The following ZNF320 variants were observed in gnomAD, a reference collection of about 807,000 sequenced individuals.
ZNF320 encodes the protein zinc finger protein 320.
A neutral mutation model predicts 6.8 loss-of-function variants in ZNF320; 2 were observed. The observed-to-expected ratio is 0.29, with a 90% confidence interval of 0.12 to 0.93. The LOEUF is 0.93. Ranked by LOEUF, ZNF320 falls within the 40% of genes least tolerant of loss-of-function variation. The probability of loss-of-function intolerance (pLI) is 0.55; values close to 1 mark genes in which losing one functional copy is unlikely to be tolerated. For synonymous variants in ZNF320, 208 were observed against 203.2 expected, an observed-to-expected ratio of 1.02 and a Z score of -0.20; for missense variants, 472 against 611.0, an observed-to-expected ratio of 0.77 and a Z score of 2.40.
At chr19:52,861,370 TAGAG>T (rs1193958566) in exon 6 of ZNF320, among the ~76,000 whole-genome samples, 1 of 152,132 alleles carries the variant, frequency 6.6e-6, no homozygotes, top group Non-Finnish European at 1.5e-5. Context: ...CATATATAAA[TAGAG>T]ATAGAACCCA....
At chr19:52,882,014 A>G (rs2063939243) in intron 5 of ZNF320, 31 bp from the exon 6 acceptor site, 13 of 1,579,264 alleles carry the variant, frequency 8.2e-6, no homozygotes, top group Non-Finnish European at 1.1e-5. Flanking sequence ...TAGGTTTCCA[A>G]TTAAGTACAG....
intron 5 of ZNF320, among the ~76,000 whole-genome samples, chr19:52,870,665 C>T (rs191590050): frequency 3.3e-5 from 5 of 151,828 alleles, no homozygotes; most frequent in Admixed American, 3.3e-4. Context: ...ACTCGAGGTG[C>T]TCAGGCAAAA....
exon 6 of ZNF320, chr19:52,862,303 C>A: frequency 1.7e-6 from 1 of 577,522 alleles, no homozygotes; most frequent in Non-Finnish European, 3.3e-6. Context: ...GTATGTCCTG[C>A]AAGGTGTGAA....
At chr19:52,863,056 C>T (rs1378829948) in exon 6 of ZNF320, among the ~76,000 whole-genome samples, 1 of 152,054 alleles carries the variant, frequency 6.6e-6, no homozygotes, top group Non-Finnish European at 1.5e-5. Flanking sequence ...GCCTCCTGGG[C>T]TCAAGCGATT....
chr19:52,866,278 G>A (rs1197422659), intron 5 of ZNF320, among the ~76,000 whole-genome samples: 1 of 149,244 alleles, frequency 6.7e-6, no homozygotes, highest in East Asian at 2.0e-4. Flanking sequence ...AGTTACTCAT[G>A]CGCTGGGTGC....
rs1391562217 is a variant in ZNF320 at position 52,865,803 on chromosome 19, TTA to T, written c.224-1646_224-1645del. ...TATATATATGATTATACACATATAT[TTA>T]TATATATGATTATACACATATATTT... On this transcript the variant is annotated intron_variant, in intron 5 of 5. Coordinates refer to the ZNF320 transcript ENST00000673631. 3.1e-3 allele frequency among the ~76,000 whole-genome samples: 276 copies of T among 87,996 alleles called. 4 individuals carry two copies. The highest frequency in any genetic ancestry group is 4.9e-3 in the African/African-American group (86 of 17,626). 57.7% of individuals were successfully genotyped at this position (87,996 alleles called of 152,430 possible).
At chr19:52,883,191 A>G (rs959411533) in intron 5 of ZNF320, among the ~76,000 whole-genome samples, 6 of 151,846 alleles carry the variant, frequency 4.0e-5, no homozygotes, top group African/African-American at 1.5e-4. Flanking sequence ...ACAGGCGCAC[A>G]CCACTATGCC....
At chr19:52,889,740 G>C (rs1261110454) in intron 4 of ZNF320, among the ~76,000 whole-genome samples, 1 of 152,116 alleles carries the variant, frequency 6.6e-6, no homozygotes, top group Non-Finnish European at 1.5e-5. Context: ...ATTCTAATTA[G>C]TAAGATTTTT....
At chr19:52,861,879 G>T in exon 6 of ZNF320, 6 of 381,784 alleles carry the variant, frequency 1.6e-5, no homozygotes, top group South Asian at 1.4e-4. Context: ...GATGCCTAAT[G>T]ACTTGTGAAC....
Position 52,880,826 on chromosome 19 carries a change from T to A in ZNF320, c.1300A>T (p.Ile434Phe), listed in dbSNP as rs369717991. 1.2e-6 allele frequency: 2 copies of A among 1,613,822 alleles called. No individual in the cohort carries two copies. The highest frequency in any genetic ancestry group is 2.7e-5 in the African/African-American group (2 of 74,926). ...RKSHLERHRR[I>F]HTGEKPHKCG... ...TTGTGAGGTTTCTCTCCTGTATGAATCCTCCTATGTCTTTCAAGGTGTGAT... is the reference window on the plus strand; with the variant it reads ...TTGTGAGGTTTCTCTCCTGTATGAAACCTCCTATGTCTTTCAAGGTGTGAT... The change falls in exon 6 of 6, where the codon ATT (isoleucine) becomes TTT (phenylalanine). Residue 434 changes from isoleucine to phenylalanine, a missense_variant. Transcript: ENST00000682928.
the ZNF320 span, among the ~76,000 whole-genome samples, chr19:52,903,389 C>A: frequency 6.6e-6 from 1 of 151,994 alleles, no homozygotes; most frequent in African/African-American, 2.4e-5. Context: ...CCTCTGCCAG[C>A]CACTTATGCT....
In ZNF320 at chr19:52,887,099, T is replaced by C. The variant is rs750456819; in HGVS notation, c.142+1028A>G. Among the ~76,000 whole-genome samples, 139 of 152,036 alleles carry C rather than the reference T, an allele frequency of 9.1e-4. 1 individual carries two copies. The highest frequency in any genetic ancestry group is 2.6e-4 in the Non-Finnish European group (18 of 67,992). ...GCAAAGAAAGATGTCCCTTCAGAGATCTCAGGATTGAAACTTTTCTTTTGC... is the reference window on the plus strand; with the variant it reads ...GCAAAGAAAGATGTCCCTTCAGAGACCTCAGGATTGAAACTTTTCTTTTGC... On this transcript the variant is annotated intron_variant, in intron 5 of 5. Transcript: ENST00000682928.
upstream of ZNF320, among the ~76,000 whole-genome samples, chr19:52,901,579 A>G (rs2147916853): frequency 6.6e-6 from 1 of 152,320 alleles, no homozygotes; most frequent in Admixed American, 6.5e-5. Context: ...CTAAACAGTT[A>G]TGTTTAACTG....
intron 5 of ZNF320, chr19:52,865,269 C>A: frequency 5.3e-6 from 1 of 188,952 alleles, no homozygotes; most frequent in Non-Finnish European, 1.1e-5. Context: ...TTGCAGCAAG[C>A]TGAGATCGTG....
chr19:52,890,187 C>A, intron 4 of ZNF320, 54 bp downstream of exon 4: 1 of 1,599,204 alleles, frequency 6.3e-7, no homozygotes. Context: ...ACTCCAGGCG[C>A]CAGCATTTCT....
At chr19:52,883,609 T>C in intron 5 of ZNF320, 1 of 455,472 alleles carries the variant, frequency 2.2e-6, no homozygotes, top group Non-Finnish European at 4.4e-6. Context: ...GGAATAAGAA[T>C]TGACTAATGG....
intron 5 of ZNF320, among the ~76,000 whole-genome samples, chr19:52,885,074 C>T (rs1481962432): frequency 2.6e-5 from 4 of 151,964 alleles, no homozygotes; most frequent in Non-Finnish European, 4.4e-5. Context: ...TGTTGGCACT[C>T]GCCTGTAGTC....
intron 5 of ZNF320, among the ~76,000 whole-genome samples, chr19:52,868,898 G>A (rs1040106868): frequency 2.0e-5 from 3 of 152,060 alleles, no homozygotes; most frequent in African/African-American, 7.2e-5. Flanking sequence ...TTTGTCCAGT[G>A]GATGAATAAG....
chr19:52,890,921 T>G (rs1600648666), intron 3 of ZNF320, among the ~76,000 whole-genome samples: 2 of 151,108 alleles, frequency 1.3e-5, no homozygotes, highest in South Asian at 4.2e-4. Flanking sequence ...AAGGCCGAGG[T>G]GGGTGGATTA....
Sources: allele counts gnomAD v4.1 joint callset (sites outside exome capture counted in the v4.1 genomes callset), GRCh38; gene constraint gnomAD v4.1.1; transcripts MANE v1.5; gene names NCBI Gene and HGNC (gene_info 2026-07-23, HGNC 2026-07-21).